The following SLC25A29 variants were observed in gnomAD, a reference collection of about 807,000 sequenced individuals.
SLC25A29 encodes the protein solute carrier family 25 member 29.
SLC25A29 carries 13 observed loss-of-function variants against 10.0 expected under a neutral mutation model. The ratio of observed to expected loss-of-function variants is 1.30; its 90% CI spans 0.85 to 2.07. The LOEUF is 2.07. SLC25A29 is among the 30% of genes most tolerant of loss of function. The pLI is 0.00. For missense variants in SLC25A29, 475 were observed against 447.6 expected, an observed-to-expected ratio of 1.06 and a Z score of -0.55; for synonymous variants, 244 against 221.1, an observed-to-expected ratio of 1.10 and a Z score of -0.92.
the SLC25A29 span, chr14:100,280,392 C>T: frequency 6.6e-6 from 1 of 152,174 alleles, no homozygotes; most frequent in Non-Finnish European, 1.5e-5. Context: ...TAAGTTTACA[C>T]TTAACAAGAT....
At position 100,292,185 on chromosome 14, in the gene SLC25A29, C is replaced by A; in HGVS notation, c.*98G>T. 1 of 1,462,776 alleles carries A rather than the reference C, an allele frequency of 6.8e-7. No individual in the cohort carries two copies. The highest frequency in any genetic ancestry group is 9.2e-7 in the Non-Finnish European group (1 of 1,086,186). 90.6% of individuals were successfully genotyped at this position (1,462,776 alleles called of 1,614,324 possible). On this transcript the variant is annotated 3_prime_UTR_variant, in exon 4 of 4. Transcript: ENST00000359232. ...CCCACGTCTGATAGACTCCACAGCT[C>A]GCAGCATCCCAGCAGGAAGCAGGGC...
downstream of SLC25A29, among the ~76,000 whole-genome samples, chr14:100,290,332 C>T (rs571361866): frequency 5.9e-5 from 9 of 152,346 alleles, no homozygotes; most frequent in East Asian, 1.4e-3. Context: ...TCCCCCATCC[C>T]TGGGAGCTTC....
the SLC25A29 span, among the ~76,000 whole-genome samples, chr14:100,283,689 G>A: frequency 2.0e-5 from 3 of 151,632 alleles, no homozygotes; most frequent in African/African-American, 7.3e-5. Context: ...CACTATGTTG[G>A]CCAGGCTGGT....
In SLC25A29 at chr14:100,292,470, T is replaced by G; in HGVS notation, c.725A>C (p.Glu242Ala). 1 of 1,581,564 alleles carries G rather than the reference T, an allele frequency of 6.3e-7. No homozygotes were observed. The highest frequency in any genetic ancestry group is 1.7e-4 in the Middle Eastern group (1 of 6,022). Reference protein sequence around the residue: ...LDCVHQSYRAEGWRVFTRGLA... With the variant: ...LDCVHQSYRAAGWRVFTRGLA... The stretch of plus-strand genomic sequence containing the variant: ...CCCCCGTGTGAAGACGCGCCAGCCC[T>G]CGGCGCGGTAGCTCTGGTGCACGCA... Residue 242 changes from glutamate to alanine, a missense_variant, in exon 4 of 4, where the codon GAG becomes GCG. Physicochemically the swap from Glu to Ala is moderately radical, Grantham distance 107. Coordinates refer to ENST00000359232, the MANE Select transcript of SLC25A29 (RefSeq NM_001039355.3).
At chr14:100,295,420 C>T (rs565921063) in intron 2 of SLC25A29, 8 of 394,436 alleles carry the variant, frequency 2.0e-5, no homozygotes, top group African/African-American at 2.1e-5. Flanking sequence ...CCCATAGGGC[C>T]GAGAGACCCC....
Position 100,292,509 on chromosome 14 carries a change from C to T in SLC25A29, c.686G>A (p.Arg229His), listed in dbSNP as rs369194948. Residue 229 changes from arginine to histidine, a missense_variant, in exon 4 of 4, where the codon CGC becomes CAC. Physicochemically the swap from Arg to His is conservative, Grantham distance 29 (BLOSUM62 0). Transcript: ENST00000359232. ...ADGLRGAPRY[R>H]GILDCVHQSY... is the part of the protein sequence containing the mutation. Reference sequence around the variant, plus strand: ...CTGGTGCACGCAGTCCAGGATGCCGCGGTAGCGCGGGGCGCCCCGCAGTCC... The same window carrying T: ...CTGGTGCACGCAGTCCAGGATGCCGTGGTAGCGCGGGGCGCCCCGCAGTCC... The T allele has an allele frequency of 6.3e-6, 10 of 1,588,714 alleles. No individual in the cohort carries two copies. Among genetic ancestry groups the T allele is most frequent in the Non-Finnish European group, 8.6e-6 (10 of 1,169,490 alleles).
the SLC25A29 span, chr14:100,279,466 C>T: frequency 6.6e-6 from 1 of 152,074 alleles, no homozygotes; most frequent in Non-Finnish European, 1.5e-5. Flanking sequence ...AACTTGAGAC[C>T]CTTTAAAAAA....
chr14:100,299,547 T>C, intron 1 of SLC25A29: 4 of 985,924 alleles, frequency 4.1e-6, no homozygotes, highest in Non-Finnish European at 4.8e-6. Flanking sequence ...TGTGCGGTCA[T>C]CCTTGGTTCT....
chr14:100,302,577 G>A (rs1892635591), intron 1 of SLC25A29, among the ~76,000 whole-genome samples: 2 of 151,576 alleles, frequency 1.3e-5, no homozygotes, highest in South Asian at 2.1e-4. Context: ...GGAGGGTCTC[G>A]ATCTCTTGAC....
At chr14:100,287,635 C>T (rs376337746), downstream of SLC25A29, among the ~76,000 whole-genome samples, 8 of 111,436 alleles carry the variant, frequency 7.2e-5, no homozygotes, top group Admixed American at 7.3e-4. Flanking sequence ...ACCACCCCCC[C>T]CCTCCGAATT....
At chr14:100,300,282 A>T (rs1892455711) in intron 1 of SLC25A29, among the ~76,000 whole-genome samples, 2 of 152,168 alleles carry the variant, frequency 1.3e-5, no homozygotes, top group South Asian at 2.1e-4. Flanking sequence ...AAGAAAAAAA[A>T]GTTTGGACCC....
intron 2 of SLC25A29, chr14:100,295,692 C>T (rs1192556830): frequency 7.8e-7 from 1 of 1,289,578 alleles, no homozygotes; most frequent in South Asian, 1.2e-5. Context: ...TGGATGGAGA[C>T]AGCCCCTAGC....
intron 2 of SLC25A29, chr14:100,295,463 T>A: frequency 1.4e-6 from 1 of 708,190 alleles, no homozygotes; most frequent in Non-Finnish European, 2.0e-6. Flanking sequence ...AGGGGGCTGA[T>A]TTTTTTTGGC....
rs1892950312 is a variant in SLC25A29 at position 100,306,294 on chromosome 14, C to T, written c.-62G>A. ...CCTCCCCCTGAGGCCCCTCGCCGGGCTGGGCGCCGTCGGGGTCCCCGAGCG... is the reference window on the plus strand; with the variant it reads ...CCTCCCCCTGAGGCCCCTCGCCGGGTTGGGCGCCGTCGGGGTCCCCGAGCG... On this transcript the variant is annotated 5_prime_UTR_variant, in exon 1 of 4. Transcript: ENST00000359232. 1 of 1,327,766 alleles carries T rather than the reference C, an allele frequency of 7.5e-7. No individual in the cohort carries two copies. Among genetic ancestry groups the T allele is most frequent in the Non-Finnish European group, 9.6e-7 (1 of 1,041,556 alleles). The allele number at this position is 1,327,766 out of a possible 1,614,324, so 82.2% of individuals were successfully genotyped here. A position where few individuals can be genotyped will look rare whatever the true frequency, so the allele number is the denominator to read the frequency against.
At position 100,293,164 on chromosome 14, in the gene SLC25A29, C is replaced by T. The variant is rs531474971; in HGVS notation, c.162+130G>A. 3.6e-5 allele frequency: 52 copies of T among 1,459,950 alleles called. No homozygotes were observed. The Middle Eastern group carries it at 8.5e-4, about 24-fold the overall frequency. 90.4% of individuals were successfully genotyped at this position (1,459,950 alleles called of 1,614,324 possible). ...AGGACCAAGCAGAATTTCGTTAGAA[C>T]CTAGGTCCTGACTGGCCTCCTGGTC... On this transcript the variant is annotated intron_variant, in intron 3 of 3. Coordinates refer to ENST00000359232, the MANE Select transcript of SLC25A29 (RefSeq NM_001039355.3).
the SLC25A29 span, chr14:100,279,572 CTGGCA>C: frequency 6.6e-6 from 1 of 152,284 alleles, no homozygotes. Flanking sequence ...TTTGCTGTAT[CTGGCA>C]GTCAGGAGAG....
At chr14:100,293,488 G>A in intron 2 of SLC25A29, 111 bp from the exon 3 acceptor site, 1 of 892,914 alleles carries the variant, frequency 1.1e-6, no homozygotes, top group Non-Finnish European at 1.8e-6. Flanking sequence ...CGGGCACTCA[G>A]GCACAGTCTA....
rs771382816 is a variant in SLC25A29, at chr14:100,293,322, C to G, written c.134G>C (p.Cys45Ser). Reference protein sequence around the residue: ...EKPQYRGTLHCFKSIIKQESV... With the variant: ...EKPQYRGTLHSFKSIIKQESV... ...CTCTTGCTTGATGATGGACTTGAAG[C>G]AGTGCAACGTCCCGCGGTACTGAGG... Residue 45 changes from cysteine to serine, a missense_variant, in exon 3 of 4, where the codon TGC becomes TCC. Cys to Ser is a moderately radical substitution (Grantham distance 112). Transcript: ENST00000359232. 1 of 1,613,460 alleles carries G rather than the reference C, an allele frequency of 6.2e-7. No homozygotes were observed. The highest frequency in any genetic ancestry group is 8.5e-7 in the Non-Finnish European group (1 of 1,180,014).
intron 1 of SLC25A29, chr14:100,299,318 C>T (rs1892386647): frequency 5.8e-6 from 6 of 1,025,912 alleles, no homozygotes; most frequent in South Asian, 3.5e-5. Flanking sequence ...TTCCCCCTGC[C>T]GCTCATCAGC....
Sources: gnomAD v4.1 joint callset for allele counts (sites outside exome capture counted in the v4.1 genomes callset) on GRCh38, gnomAD v4.1.1 for gene constraint, MANE v1.5 for transcripts, NCBI Gene and HGNC (gene_info 2026-07-23, HGNC 2026-07-21) for gene names.